PCSK5: variants seen among roughly 807,000 people sequenced by gnomAD.
PCSK5 encodes the protein proprotein convertase subtilisin/kexin type 5, also known as prohormone convertase 5.
A neutral mutation model predicts 233.2 loss-of-function variants in PCSK5; 129 were observed. The observed-to-expected ratio is 0.55, with a 90% CI of 0.48 to 0.64. The LOEUF is 0.64. Ranked by LOEUF, PCSK5 falls within the 30% of genes least tolerant of loss-of-function variation. The pLI is 0.00. For missense variants in PCSK5, 2,076 were observed against 2,430.1 expected, an observed-to-expected ratio of 0.85 and a Z score of 3.06; for synonymous variants, 825 against 879.2, an observed-to-expected ratio of 0.94 and a Z score of 1.09.
intron 30 of PCSK5, among the ~76,000 whole-genome samples, chr9:76,320,170 G>C (rs540123880): frequency 1.3e-5 from 2 of 151,932 alleles, no homozygotes; most frequent in Admixed American, 6.5e-5. Context: ...ACAATCTCTC[G>C]TCTCCACACA....
At chr9:76,161,272 T>C (rs936967495) in intron 12 of PCSK5, among the ~76,000 whole-genome samples, 1 of 152,102 alleles carries the variant, frequency 6.6e-6, no homozygotes, top group African/African-American at 2.4e-5. Flanking sequence ...CACTTCCTCA[T>C]GTCCTCCTCC....
chr9:76,072,557 G>A (rs945065624), intron 7 of PCSK5, among the ~76,000 whole-genome samples: 3 of 152,194 alleles, frequency 2.0e-5, no homozygotes, highest in Non-Finnish European at 4.4e-5. Flanking sequence ...AAGGAGGAGA[G>A]CTCCACCAGA....
intron 7 of PCSK5, among the ~76,000 whole-genome samples, chr9:76,090,735 G>A (rs139349407): frequency 7.9e-5 from 12 of 152,244 alleles, no homozygotes; most frequent in South Asian, 6.2e-4. Flanking sequence ...AGAATGGGGG[G>A]TTGAGGGATG....
intron 36 of PCSK5, among the ~76,000 whole-genome samples, chr9:76,352,683 T>C (rs1830198109): frequency 6.6e-6 from 1 of 152,056 alleles, no homozygotes; most frequent in Admixed American, 6.6e-5. Flanking sequence ...ACAAATTTCT[T>C]GATTATGTTT....
chr9:76,049,330 T>A (rs919583461), intron 5 of PCSK5, among the ~76,000 whole-genome samples: 9 of 152,182 alleles, frequency 5.9e-5, no homozygotes, highest in African/African-American at 2.2e-4. Flanking sequence ...TTATAATAAA[T>A]TATACGTTTT....
chr9:75,998,846 A>G (rs1271959031), intron 3 of PCSK5, among the ~76,000 whole-genome samples: 3 of 152,122 alleles, frequency 2.0e-5, no homozygotes, highest in Admixed American at 6.5e-5. Flanking sequence ...CTCATTCATC[A>G]CCGAATAGCC....
rs1823757203 is a variant in PCSK5 at position 76,179,576 on chromosome 9, T to C, written c.1901-20T>C. 6.3e-7 allele frequency: 1 copy of C among 1,581,132 alleles called. No homozygotes were observed. The highest frequency in any genetic ancestry group is 8.7e-7 in the Non-Finnish European group (1 of 1,150,098). On this transcript the variant is annotated intron_variant, in intron 14 of 37. Coordinates refer to ENST00000674117, the MANE Select transcript of PCSK5 (RefSeq NM_001372043.1). ...TCTAAAATCATTTTTCCAAGTATTG[T>C]TCTAATGTCTTTTGGAAAGGTCCCT...
At chr9:75,971,643 G>T (rs1310325750) in intron 2 of PCSK5, among the ~76,000 whole-genome samples, 2 of 152,178 alleles carry the variant, frequency 1.3e-5, no homozygotes, top group Non-Finnish European at 2.9e-5. Context: ...GTGTGAAATG[G>T]TATCCCATTG....
intron 7 of PCSK5, among the ~76,000 whole-genome samples, chr9:76,085,390 AT>A (rs752229337): frequency 2.6e-5 from 4 of 152,196 alleles, no homozygotes; most frequent in Non-Finnish European, 5.9e-5. Flanking sequence ...CCGGAAACAA[AT>A]TATCAGCGCT....
intron 9 of PCSK5, among the ~76,000 whole-genome samples, chr9:76,117,059 A>C (rs1447983382): frequency 6.6e-6 from 1 of 152,146 alleles, no homozygotes; most frequent in Non-Finnish European, 1.5e-5. Context: ...GCTTGTTACC[A>C]TAATTTCCTT....
chr9:75,948,023 T>G (rs1286370437), intron 2 of PCSK5, among the ~76,000 whole-genome samples: 1 of 152,044 alleles, frequency 6.6e-6, no homozygotes, highest in East Asian at 1.9e-4. Context: ...TTTTTTAAAT[T>G]TTTTGTACAG....
intron 20 of PCSK5, among the ~76,000 whole-genome samples, chr9:76,218,559 A>G (rs1322380151): frequency 6.7e-6 from 1 of 149,848 alleles, no homozygotes; most frequent in Admixed American, 6.6e-5. Context: ...TCTAATATTT[A>G]ATGAGATAAC....
At chr9:76,274,395 T>A (rs1477194540) in intron 24 of PCSK5, among the ~76,000 whole-genome samples, 1 of 152,224 alleles carries the variant, frequency 6.6e-6, no homozygotes, top group African/African-American at 2.4e-5. Flanking sequence ...TCAAGATCTG[T>A]AGTCTCTGTG....
intron 2 of PCSK5, among the ~76,000 whole-genome samples, chr9:75,964,251 G>A (rs573510138): frequency 6.6e-6 from 1 of 152,282 alleles, no homozygotes; most frequent in African/African-American, 2.4e-5. Context: ...TACTTAGGTA[G>A]CTCAGATCAT....
At chr9:76,323,506 C>G (rs1419879788) in intron 32 of PCSK5, among the ~76,000 whole-genome samples, 1 of 152,096 alleles carries the variant, frequency 6.6e-6, no homozygotes, top group Admixed American at 6.6e-5. Flanking sequence ...ACCTCAGCCT[C>G]CAGAGTTGCT....
Position 75,891,135 on chromosome 9 carries a change from T to G in PCSK5, c.-47T>G, listed in dbSNP as rs764238571. On this transcript the variant is annotated 5_prime_UTR_variant, in exon 1 of 38. Transcript: ENST00000674117. Reference sequence around the variant, plus strand: ...AGAAGTTAGTTGTGCGCGCCCTTAGTGCGCGGAACCAGCCAGCGAGCGAGG... The same window carrying G: ...AGAAGTTAGTTGTGCGCGCCCTTAGGGCGCGGAACCAGCCAGCGAGCGAGG... 2 of 1,418,150 alleles carry G rather than the reference T, an allele frequency of 1.4e-6. No individual in the cohort carries two copies. Among genetic ancestry groups the G allele is most frequent in the African/African-American group, 3.0e-5 (2 of 66,546 alleles). The allele number at this position is 1,418,150 out of a possible 1,614,324, so 87.8% of individuals were successfully genotyped here.
chr9:75,953,121 C>G (rs1824940193), intron 2 of PCSK5, among the ~76,000 whole-genome samples: 1 of 152,098 alleles, frequency 6.6e-6, no homozygotes, highest in African/African-American at 2.4e-5. Flanking sequence ...ATTTCATAGT[C>G]TAAAATGACT....
At chr9:76,249,958 C>T (rs189071371) in intron 24 of PCSK5, among the ~76,000 whole-genome samples, 108 of 152,068 alleles carry the variant, frequency 7.1e-4, no homozygotes, top group Admixed American at 2.1e-3. Context: ...AGGAAGGAGG[C>T]GACAAATCTT....
chr9:76,051,703 C>T (rs1358813551), intron 5 of PCSK5, among the ~76,000 whole-genome samples: 5 of 152,150 alleles, frequency 3.3e-5, no homozygotes, highest in Non-Finnish European at 7.3e-5. Flanking sequence ...TGCCTCCCAG[C>T]ACCTGAGAAC....
Sources: gnomAD v4.1 joint callset for allele counts (sites outside exome capture counted in the v4.1 genomes callset) on GRCh38, gnomAD v4.1.1 for gene constraint, MANE v1.5 for transcripts, NCBI Gene and HGNC (gene_info 2026-07-23, HGNC 2026-07-21) for gene names.